ST6GALNAC3: variants seen among roughly 807,000 people sequenced by gnomAD.
ST6GALNAC3 encodes the protein alpha-N-acetylgalactosaminide alpha-2,6-sialyltransferase 3.
In ST6GALNAC3, 25 loss-of-function variants were observed where a neutral mutation model predicts 32.7. That is an observed-to-expected ratio of 0.76 (90% CI 0.56 to 1.07). ST6GALNAC3 has a LOEUF of 1.07. Among genes scored for constraint, ST6GALNAC3 ranks in the 50% least tolerant of loss-of-function variants. The pLI is 0.00. For synonymous variants in ST6GALNAC3, 129 were observed against 133.1 expected (o/e 0.97, Z 0.21); for missense variants, 355 against 382.4 (o/e 0.93, Z 0.60).
At chr1:76,596,753 C>T (rs551039037) in intron 3 of ST6GALNAC3, among the ~76,000 whole-genome samples, 1 of 152,248 alleles carries the variant, frequency 6.6e-6, no homozygotes, top group South Asian at 2.1e-4. Flanking sequence ...TATGTCAGAA[C>T]ATTTGCAGTA....
At chr1:76,499,060 T>C (rs964117235) in intron 3 of ST6GALNAC3, among the ~76,000 whole-genome samples, 3 of 152,120 alleles carry the variant, frequency 2.0e-5, no homozygotes, top group African/African-American at 7.2e-5. Context: ...AGCAATAAAA[T>C]GTATAAACAA....
At chr1:76,090,439 T>A (rs1332553026) in intron 1 of ST6GALNAC3, among the ~76,000 whole-genome samples, 2 of 152,236 alleles carry the variant, frequency 1.3e-5, no homozygotes, top group African/African-American at 2.4e-5. Context: ...TGCCTCCTGG[T>A]CTACCCACCT....
At chr1:76,165,946 T>A (rs921621534) in intron 1 of ST6GALNAC3, among the ~76,000 whole-genome samples, 2 of 152,212 alleles carry the variant, frequency 1.3e-5, no homozygotes, top group Admixed American at 6.5e-5. Flanking sequence ...ACAAATTTCC[T>A]CCCATTCTGT....
intron 1 of ST6GALNAC3, among the ~76,000 whole-genome samples, chr1:76,089,184 A>G (rs913163559): frequency 3.3e-5 from 5 of 152,112 alleles, no homozygotes; most frequent in African/African-American, 1.2e-4. Context: ...ACCTGCCACT[A>G]CGCCCGGCTA....
chr1:76,100,200 GCTT>G (rs1371968207), intron 1 of ST6GALNAC3, among the ~76,000 whole-genome samples: 1 of 151,918 alleles, frequency 6.6e-6, no homozygotes, highest in Non-Finnish European at 1.5e-5. Flanking sequence ...TGGCACTTTT[GCTT>G]CTTCTTTTCT....
chr1:76,520,210 A>T (rs567836293), intron 3 of ST6GALNAC3, among the ~76,000 whole-genome samples: 2 of 152,218 alleles, frequency 1.3e-5, no homozygotes, highest in South Asian at 4.2e-4. Flanking sequence ...AGCACAAATG[A>T]GAAGTAATGG....
chr1:76,357,083 TCTCCAGAAAATAG>T (rs1464938568), intron 2 of ST6GALNAC3, among the ~76,000 whole-genome samples: 1 of 151,020 alleles, frequency 6.6e-6, no homozygotes, highest in Non-Finnish European at 1.5e-5. Context: ...TATTCATGGC[TCTCCAGAAAATAG>T]CTTAATGCTA....
At chr1:76,105,828 A>T (rs547221624) in intron 1 of ST6GALNAC3, among the ~76,000 whole-genome samples, 51 of 152,302 alleles carry the variant, frequency 3.3e-4, no homozygotes, top group African/African-American at 8.9e-4. Flanking sequence ...TATTACATTT[A>T]AAAAAATATT....
chr1:76,270,628 A>T (rs978933732), intron 1 of ST6GALNAC3, among the ~76,000 whole-genome samples: 1 of 152,140 alleles, frequency 6.6e-6, no homozygotes, highest in Non-Finnish European at 1.5e-5. Context: ...ATGAAACTGA[A>T]ATCCACAGTG....
chr1:76,314,715 G>C (rs1033186966), intron 2 of ST6GALNAC3, among the ~76,000 whole-genome samples: 2 of 152,104 alleles, frequency 1.3e-5, no homozygotes, highest in African/African-American at 4.8e-5. Context: ...TAATAAAATT[G>C]TTTTCACTAT....
At chr1:76,136,145 A>G (rs1471590459) in intron 1 of ST6GALNAC3, among the ~76,000 whole-genome samples, 1 of 152,208 alleles carries the variant, frequency 6.6e-6, no homozygotes, top group African/African-American at 2.4e-5. Flanking sequence ...TTCATTGTAA[A>G]TAGCTAATAA....
At chr1:76,603,145 G>T (rs944271242) in intron 3 of ST6GALNAC3, among the ~76,000 whole-genome samples, 3 of 152,132 alleles carry the variant, frequency 2.0e-5, no homozygotes, top group African/African-American at 7.2e-5. Context: ...GTATAAATTG[G>T]TCCCAATCCC....
chr1:76,239,179 A>G lies in ST6GALNAC3; in HGVS notation c.19-74626A>G, dbSNP rs187747357. Among the ~76,000 whole-genome samples the G allele has an allele frequency of 7.2e-5, 11 of 152,044 alleles. 1 individual carries two copies. The East Asian group carries it at 1.6e-3, about 22-fold the overall frequency. ...AATCTGAAGGGAGTGATCCAGCCTT[A>G]TTATCATCCTGGTCACATGGAGAGA... On this transcript the variant is annotated intron_variant, in intron 1 of 4. Coordinates refer to ENST00000328299, the MANE Select transcript of ST6GALNAC3 (RefSeq NM_152996.4).
At chr1:76,516,306 A>G (rs2101773266) in intron 3 of ST6GALNAC3, among the ~76,000 whole-genome samples, 1 of 152,286 alleles carries the variant, frequency 6.6e-6, no homozygotes, top group African/African-American at 2.4e-5. Flanking sequence ...GTATGTGTGT[A>G]TACATATATT....
chr1:76,323,692 A>G (rs1647013168), intron 2 of ST6GALNAC3, among the ~76,000 whole-genome samples: 1 of 152,238 alleles, frequency 6.6e-6, no homozygotes, highest in Non-Finnish European at 1.5e-5. Flanking sequence ...GTAGAATAAC[A>G]TGTGAAAGAT....
At chr1:76,148,833 C>T (rs1321998397) in intron 1 of ST6GALNAC3, among the ~76,000 whole-genome samples, 1 of 152,184 alleles carries the variant, frequency 6.6e-6, no homozygotes, top group African/African-American at 2.4e-5. Context: ...AAACTTGTTC[C>T]ATTCTAAGTT....
At chr1:76,499,904 G>A (rs568553996) in intron 3 of ST6GALNAC3, among the ~76,000 whole-genome samples, 3 of 152,012 alleles carry the variant, frequency 2.0e-5, no homozygotes, top group East Asian at 1.9e-4. Context: ...ATAGACAACC[G>A]ACAAAATAAA....
chr1:76,308,395 C>CAT (rs1213878899), intron 1 of ST6GALNAC3, among the ~76,000 whole-genome samples: 1 of 152,092 alleles, frequency 6.6e-6, no homozygotes, highest in Non-Finnish European at 1.5e-5. Context: ...GTTTATATTG[C>CAT]ATATATGCCA....
intron 2 of ST6GALNAC3, among the ~76,000 whole-genome samples, chr1:76,338,871 G>A (rs528858896): frequency 4.6e-5 from 7 of 152,288 alleles, no homozygotes; most frequent in African/African-American, 1.7e-4. Flanking sequence ...ATCACATCTG[G>A]TTATGTAGTA....
Sources: gnomAD v4.1 joint callset for allele counts (sites outside exome capture counted in the v4.1 genomes callset) on GRCh38, gnomAD v4.1.1 for gene constraint, MANE v1.5 for transcripts, NCBI Gene and HGNC (gene_info 2026-07-23, HGNC 2026-07-21) for gene names.